FAM193A: variants seen among roughly 807,000 people sequenced by gnomAD.
The protein encoded by FAM193A is protein FAM193A.
Under a neutral mutation model 126.5 loss-of-function variants are expected in FAM193A, and 22 were observed. That is an observed-to-expected ratio of 0.17 (90% CI 0.12 to 0.25). The LOEUF (loss-of-function observed/expected upper bound fraction) is 0.25, where lower values mean the gene tolerates loss of function less well. FAM193A is among the 10% of genes least tolerant of loss of function. FAM193A has a pLI of 1.00. For synonymous variants in FAM193A, 761 were observed against 646.8 expected, an observed-to-expected ratio of 1.18 and a Z score of -2.68; for missense variants, 1,675 against 1,672.8, an observed-to-expected ratio of 1.00 and a Z score of -0.02.
At chr4:2,633,716 AC>A (rs1177383539) in intron 5 of FAM193A, among the ~76,000 whole-genome samples, 1 of 151,416 alleles carries the variant, frequency 6.6e-6, no homozygotes. Context: ...ACGTGATGAA[AC>A]CCCGTCTCTA....
At chr4:2,704,853 A>G (rs1373027420) in intron 19 of FAM193A, among the ~76,000 whole-genome samples, 1 of 152,164 alleles carries the variant, frequency 6.6e-6, no homozygotes, top group African/African-American at 2.4e-5. Flanking sequence ...TGAATTTTCT[A>G]TTCATACCTA....
intron 2 of FAM193A, among the ~76,000 whole-genome samples, chr4:2,617,262 A>ATATATATATATATATATT (rs1553895173): frequency 4.0e-5 from 1 of 25,076 alleles, no homozygotes; most frequent in African/African-American, 4.8e-4. Flanking sequence ...ATATATATAT[A>ATATATATATATATATATT]TTTTTTTTTT....
At chr4:2,680,440 C>G (rs1714974347) in intron 13 of FAM193A, among the ~76,000 whole-genome samples, 1 of 152,100 alleles carries the variant, frequency 6.6e-6, no homozygotes, top group African/African-American at 2.4e-5. Context: ...CCTCCCTTGG[C>G]CCCCCAATAG....
intron 2 of FAM193A, among the ~76,000 whole-genome samples, chr4:2,614,021 C>T (rs908302662): frequency 3.3e-5 from 5 of 152,238 alleles, no homozygotes; most frequent in Admixed American, 6.5e-5. Flanking sequence ...GATCCATGTG[C>T]GTCGGCCTCC....
At chr4:2,542,149 G>A (rs879483694) in intron 1 of FAM193A, among the ~76,000 whole-genome samples, 14 of 152,096 alleles carry the variant, frequency 9.2e-5, no homozygotes, top group Non-Finnish European at 1.8e-4. Flanking sequence ...CTGAGTAGCT[G>A]GGATTACAGG....
chr4:2,632,928 G>T (rs886226962), intron 5 of FAM193A, among the ~76,000 whole-genome samples: 3 of 152,198 alleles, frequency 2.0e-5, no homozygotes, highest in African/African-American at 7.2e-5. Context: ...TAAACCTGGT[G>T]CCCAGAGAGA....
intron 6 of FAM193A, among the ~76,000 whole-genome samples, chr4:2,646,200 C>T (rs1274572314): frequency 1.3e-3 from 139 of 109,192 alleles, no homozygotes; most frequent in African/African-American, 4.6e-3. Context: ...GACAGATTCT[C>T]GCTCTGTTGC....
At chr4:2,711,308 TGATA>T (rs1388878569) in intron 19 of FAM193A, among the ~76,000 whole-genome samples, 5 of 152,070 alleles carry the variant, frequency 3.3e-5, no homozygotes, top group South Asian at 4.1e-4. Flanking sequence ...CCATGGAATC[TGATA>T]GATAATTTTT....
chr4:2,657,848 C>T lies in FAM193A; in HGVS notation c.1357C>T (p.Leu453Phe), dbSNP rs769878155. 1.2e-6 allele frequency: 2 copies of T among 1,612,034 alleles called. No individual in the cohort carries two copies. The highest frequency in any genetic ancestry group is 1.7e-6 in the Non-Finnish European group (2 of 1,179,084). ...KQRMLTEDWE[L>F]FKQRRFIEEQ... ...GCGCATGTTAACAGAAGACTGGGAG[C>T]TTTTTAAACAAAGAAGATTCATTGA... The change falls in exon 8 of 21, where the codon CTT becomes TTT. Residue 453 changes from leucine (L) to phenylalanine (F), a missense_variant. By Grantham distance (22) the Leu-to-Phe change is conservative. Transcript: ENST00000637812.
At chr4:2,556,210 C>T (rs994341649) in intron 1 of FAM193A, among the ~76,000 whole-genome samples, 2 of 146,014 alleles carry the variant, frequency 1.4e-5, no homozygotes, top group African/African-American at 5.1e-5. Flanking sequence ...AGATACTGTC[C>T]TTTTTTTGTT....
chr4:2,678,366 T>G (rs1292675383), intron 13 of FAM193A, among the ~76,000 whole-genome samples: 1 of 148,476 alleles, frequency 6.7e-6, no homozygotes, highest in Non-Finnish European at 1.5e-5. Context: ...GGTGGTTTTT[T>G]TTTTTTTTTT....
intron 2 of FAM193A, among the ~76,000 whole-genome samples, chr4:2,603,054 C>T (rs186397387): frequency 8.8e-4 from 116 of 132,166 alleles, no homozygotes; most frequent in Middle Eastern, 5.9e-3. Flanking sequence ...CTGCAGGCTC[C>T]GCCTTCTGGG....
chr4:2,610,365 A>G (rs1741793172), intron 2 of FAM193A, among the ~76,000 whole-genome samples: 1 of 152,248 alleles, frequency 6.6e-6, no homozygotes, highest in South Asian at 2.1e-4. Flanking sequence ...GTTTGCTAGT[A>G]TTGGTCCTTA....
chr4:2,539,598 G>C (rs1220637143), intron 1 of FAM193A, among the ~76,000 whole-genome samples: 2 of 151,904 alleles, frequency 1.3e-5, no homozygotes, highest in African/African-American at 4.8e-5. Flanking sequence ...ATAGATACAG[G>C]GTCTCACTAT....
intron 19 of FAM193A, among the ~76,000 whole-genome samples, chr4:2,706,644 C>T (rs1718342196): frequency 6.6e-6 from 1 of 151,590 alleles, no homozygotes; most frequent in African/African-American, 2.4e-5. Flanking sequence ...TCTGGAATTT[C>T]TCTTCCTTTC....
chr4:2,553,057 A>G (rs890323314), intron 1 of FAM193A, among the ~76,000 whole-genome samples: 4 of 151,924 alleles, frequency 2.6e-5, no homozygotes, highest in African/African-American at 9.7e-5. Flanking sequence ...CATGTTGGTC[A>G]GGCTGTTGTC....
intron 7 of FAM193A, among the ~76,000 whole-genome samples, chr4:2,656,490 C>A (rs2109091101): frequency 6.6e-6 from 1 of 152,334 alleles, no homozygotes; most frequent in South Asian, 2.1e-4. Flanking sequence ...ATGGATGATA[C>A]AGGGTAGAGC....
At chr4:2,684,693 C>T (rs955315365) in intron 13 of FAM193A, among the ~76,000 whole-genome samples, 3 of 152,196 alleles carry the variant, frequency 2.0e-5, no homozygotes, top group Non-Finnish European at 4.4e-5. Flanking sequence ...CAGACTGCTG[C>T]CCCCACACGT....
At chr4:2,658,811 C>T (rs150687210) in intron 8 of FAM193A, among the ~76,000 whole-genome samples, 4,407 of 152,232 alleles carry the variant, frequency 0.029, 227 homozygotes, top group African/African-American at 0.1. Context: ...AGTGCAGTGG[C>T]GTGAACTCGG....
Sources: allele counts gnomAD v4.1 joint callset (sites outside exome capture counted in the v4.1 genomes callset), GRCh38; gene constraint gnomAD v4.1.1; transcripts MANE v1.5; gene names NCBI Gene and HGNC (gene_info 2026-07-23, HGNC 2026-07-21).